Variants in KCNN2 observed in about 807,000 individuals in gnomAD.
KCNN2 encodes potassium calcium-activated channel subfamily N member 2.
A neutral mutation model predicts 55.5 loss-of-function variants in KCNN2; 24 were observed. That is an observed-to-expected ratio of 0.43 (90% CI 0.31 to 0.61). The LOEUF (loss-of-function observed/expected upper bound fraction) is 0.61. Ranked by LOEUF, KCNN2 falls within the 20% of genes least tolerant of loss-of-function variation. KCNN2 has a pLI of 0.08. For missense variants in KCNN2, 754 were observed against 853.6 expected (o/e 0.88, Z 1.45); for synonymous variants, 431 against 336.1 (o/e 1.28, Z -3.09).
intron 3 of KCNN2, among the ~76,000 whole-genome samples, chr5:114,408,020 C>G (rs1013232213): frequency 6.6e-6 from 1 of 152,218 alleles, no homozygotes; most frequent in South Asian, 2.1e-4. Context: ...TCCTCCCTTT[C>G]GAAACTCTAT....
chr5:114,400,221 A>T (rs1246321195), intron 2 of KCNN2, among the ~76,000 whole-genome samples: 1 of 151,870 alleles, frequency 6.6e-6, no homozygotes, highest in Non-Finnish European at 1.5e-5. Context: ...TAAATTTGAG[A>T]TCTTTCTAAC....
chr5:114,163,821 C>T (rs1580577745), intron 1 of KCNN2, among the ~76,000 whole-genome samples: 1 of 152,206 alleles, frequency 6.6e-6, no homozygotes, highest in East Asian at 1.9e-4. Context: ...AAATACTTAA[C>T]ATACATAAGT....
chr5:114,268,938 G>A (rs1012062144), intron 2 of KCNN2, among the ~76,000 whole-genome samples: 7 of 151,858 alleles, frequency 4.6e-5, no homozygotes, highest in Non-Finnish European at 8.8e-5. Flanking sequence ...CATCTGTCTC[G>A]GGGGTGGGGG....
At chr5:114,463,751 C>T (rs1244338410) in intron 4 of KCNN2, among the ~76,000 whole-genome samples, 1 of 152,132 alleles carries the variant, frequency 6.6e-6, no homozygotes. Flanking sequence ...AATAATGGTT[C>T]ATTACATTTG....
At chr5:114,157,850 G>GT (rs1390147256) in intron 1 of KCNN2, among the ~76,000 whole-genome samples, 127 of 139,696 alleles carry the variant, frequency 9.1e-4, no homozygotes, top group African/African-American at 1.8e-3. Context: ...TTTTGATGGG[G>GT]TTTTTTTTTT....
intron 2 of KCNN2, among the ~76,000 whole-genome samples, chr5:114,237,117 G>C (rs994550849): frequency 6.6e-6 from 1 of 152,030 alleles, no homozygotes; most frequent in Non-Finnish European, 1.5e-5. Context: ...GGAATATCTG[G>C]ATCACAGGAG....
chr5:114,430,078 CT>C (rs1241046955), intron 3 of KCNN2, among the ~76,000 whole-genome samples: 3 of 152,002 alleles, frequency 2.0e-5, no homozygotes, highest in African/African-American at 7.2e-5. Context: ...TAAACTTATT[CT>C]TCTCCTTCAA....
At chr5:114,369,284 G>A (rs1328809006) in intron 2 of KCNN2, among the ~76,000 whole-genome samples, 1 of 152,168 alleles carries the variant, frequency 6.6e-6, no homozygotes, top group African/African-American at 2.4e-5. Context: ...TAAAGACAAA[G>A]CTCAAGGCCT....
At chr5:114,417,424 GGT>G in intron 3 of KCNN2, among the ~76,000 whole-genome samples, 1 of 152,146 alleles carries the variant, frequency 6.6e-6, no homozygotes, top group Non-Finnish European at 1.5e-5. Context: ...TGGAGGTGTC[GGT>G]GTGAAGTGAG....
At chr5:114,363,825 G>T (rs1644674065) in intron 1 of KCNN2, 81 bp from the exon 2 acceptor site, 2 of 941,670 alleles carry the variant, frequency 2.1e-6, no homozygotes, top group African/African-American at 3.2e-5. Context: ...CCACCTGTGG[G>T]GGACTGACTG....
chr5:114,215,975 A>G (rs192485640), intron 1 of KCNN2, among the ~76,000 whole-genome samples: 5 of 152,264 alleles, frequency 3.3e-5, no homozygotes, highest in Admixed American at 3.3e-4. Flanking sequence ...ATCCTCAGGG[A>G]CAAATGAGTA....
At position 114,244,094 on chromosome 5, in the gene KCNN2, T is replaced by C. The variant is rs189112038; in HGVS notation, c.-185+22529T>C. ...CATGTGAGAATGCTTCTGAATGATGTGGTTCCTCAAATCCAGAACTGAAAG... is the reference window on the plus strand; with the variant it reads ...CATGTGAGAATGCTTCTGAATGATGCGGTTCCTCAAATCCAGAACTGAAAG... On this transcript the variant is annotated intron_variant, in intron 2 of 10. Coordinates refer to the KCNN2 transcript ENST00000512097. 4.6e-5 allele frequency among the ~76,000 whole-genome samples: 7 copies of C among 152,302 alleles called. No individual in the cohort carries two copies. The East Asian group carries it at 1.2e-3, about 25-fold the overall frequency.
At chr5:114,482,129 C>A (rs1401267178) in intron 5 of KCNN2, among the ~76,000 whole-genome samples, 1 of 152,062 alleles carries the variant, frequency 6.6e-6, no homozygotes, top group Non-Finnish European at 1.5e-5. Flanking sequence ...TGCAATCTGT[C>A]CATCTGACAA....
intron 2 of KCNN2, among the ~76,000 whole-genome samples, chr5:114,277,394 G>C (rs1020869767): frequency 6.6e-6 from 1 of 152,160 alleles, no homozygotes; most frequent in Non-Finnish European, 1.5e-5. Flanking sequence ...GCCTTGCTAG[G>C]TTGGGGAAGT....
intron 1 of KCNN2, among the ~76,000 whole-genome samples, chr5:114,185,922 T>C (rs1388100461): frequency 2.0e-5 from 3 of 152,196 alleles, no homozygotes; most frequent in African/African-American, 7.2e-5. Flanking sequence ...GATCATTGGA[T>C]TGAAGAGACA....
chr5:114,286,397 T>A (rs1755753442), intron 2 of KCNN2, among the ~76,000 whole-genome samples: 1 of 152,006 alleles, frequency 6.6e-6, no homozygotes, highest in South Asian at 2.1e-4. Flanking sequence ...CAAGAATAAA[T>A]ATGTTCATTT....
intron 1 of KCNN2, among the ~76,000 whole-genome samples, chr5:114,096,559 G>A (rs188256715): frequency 5.9e-5 from 9 of 152,204 alleles, no homozygotes; most frequent in Non-Finnish European, 1.0e-4. Context: ...GCGCTATGGT[G>A]CAGAATCCAG....
intron 2 of KCNN2, among the ~76,000 whole-genome samples, chr5:114,289,794 A>T (rs907108495): frequency 3.3e-5 from 5 of 152,210 alleles, no homozygotes; most frequent in Non-Finnish European, 1.5e-5. Flanking sequence ...GTAAATCATT[A>T]ACATGGGAAG....
chr5:114,142,957 T>C (rs1361433545), intron 1 of KCNN2, among the ~76,000 whole-genome samples: 1 of 152,186 alleles, frequency 6.6e-6, no homozygotes, highest in Non-Finnish European at 1.5e-5. Context: ...GCTACCTGTA[T>C]TGCGGGATCT....
Sources: gnomAD v4.1 joint callset for allele counts (sites outside exome capture counted in the v4.1 genomes callset) on GRCh38, gnomAD v4.1.1 for gene constraint, MANE v1.5 for transcripts, NCBI Gene and HGNC (gene_info 2026-07-23, HGNC 2026-07-21) for gene names.